The following PRKG1 variants were observed in gnomAD, a reference collection of about 807,000 sequenced individuals.
PRKG1 encodes the protein protein kinase cGMP-dependent 1, also known as cGMP-dependent protein kinase 1.
PRKG1 carries 35 observed loss-of-function variants against 88.1 expected under a neutral mutation model. The ratio of observed to expected loss-of-function variants is 0.40; its 90% CI spans 0.30 to 0.53. The LOEUF (loss-of-function observed/expected upper bound fraction) is 0.53. Among genes scored for constraint, PRKG1 ranks in the 20% least tolerant of loss-of-function variants. The probability of loss-of-function intolerance (pLI) is 0.59; values close to 1 mark genes in which losing one functional copy is unlikely to be tolerated. For missense variants in PRKG1, 540 were observed against 839.8 expected (o/e 0.64, Z 4.41); for synonymous variants, 303 against 292.5 (o/e 1.04, Z -0.37).
In PRKG1 at chr10:51,353,899, G is replaced by A. The variant is rs1842306814; in HGVS notation, c.479-113824G>A. ...TAGCCAAGATTTGTGTTCATCAACA[G>A]ATGAATGGATAAAGACAATGTGATA... On this transcript the variant is annotated intron_variant, in intron 2 of 17. Coordinates refer to ENST00000373980, the MANE Select transcript of PRKG1 (RefSeq NM_006258.4). Among the ~76,000 whole-genome samples the A allele has an allele frequency of 2.6e-5, 4 of 152,320 alleles. No homozygotes were observed. In the South Asian group the frequency reaches 8.3e-4, roughly 32 times the overall value.
chr10:51,507,266 C>T (rs977002715), intron 3 of PRKG1, among the ~76,000 whole-genome samples: 2 of 151,540 alleles, frequency 1.3e-5, no homozygotes, highest in Non-Finnish European at 2.9e-5. Flanking sequence ...CAAACCTGCA[C>T]TTTGTGCACA....
chr10:51,857,391 G>A (rs139451785), intron 4 of PRKG1, among the ~76,000 whole-genome samples: 28 of 152,226 alleles, frequency 1.8e-4, no homozygotes, highest in African/African-American at 6.7e-4. Flanking sequence ...TTTTAAATCT[G>A]TTATATCTTG....
chr10:51,350,744 CA>C (rs1230280207), intron 2 of PRKG1, among the ~76,000 whole-genome samples: 8 of 152,142 alleles, frequency 5.3e-5, no homozygotes, highest in Non-Finnish European at 1.0e-4. Flanking sequence ...AACAAGAAAT[CA>C]ACATACAAAA....
At chr10:51,084,676 A>G (rs1844204476) in intron 1 of PRKG1, among the ~76,000 whole-genome samples, 1 of 152,184 alleles carries the variant, frequency 6.6e-6, no homozygotes, top group Non-Finnish European at 1.5e-5. Context: ...GCATCAAAAA[A>G]CAGATCTAAT....
chr10:51,158,927 C>T (rs533108925), intron 2 of PRKG1, among the ~76,000 whole-genome samples: 1 of 150,546 alleles, frequency 6.6e-6, no homozygotes, highest in South Asian at 2.1e-4. Context: ...CATCTACTCT[C>T]AAAAGACTAG....
intron 1 of PRKG1, among the ~76,000 whole-genome samples, chr10:51,128,266 T>C (rs1845481270): frequency 6.6e-6 from 1 of 152,186 alleles, no homozygotes; most frequent in Non-Finnish European, 1.5e-5. Flanking sequence ...TCTAATTTAA[T>C]TGAACCCAGA....
At chr10:51,424,249 A>G (rs1838505734) in intron 2 of PRKG1, among the ~76,000 whole-genome samples, 2 of 152,232 alleles carry the variant, frequency 1.3e-5, no homozygotes, top group African/African-American at 4.8e-5. Context: ...ACCATTCTAG[A>G]GTATCATTCA....
chr10:52,247,210 A>T (rs1383226783), intron 9 of PRKG1, among the ~76,000 whole-genome samples: 2 of 152,176 alleles, frequency 1.3e-5, no homozygotes, highest in African/African-American at 4.8e-5. Flanking sequence ...ATTGTCTCAA[A>T]CTAAATTAAA....
intron 3 of PRKG1, among the ~76,000 whole-genome samples, chr10:51,559,952 G>T (rs1837414009): frequency 1.3e-5 from 2 of 152,018 alleles, no homozygotes; most frequent in Non-Finnish European, 2.9e-5. Context: ...TTTGCATATG[G>T]TCTACAAAAT....
intron 1 of PRKG1, among the ~76,000 whole-genome samples, chr10:51,103,592 T>C (rs994045589): frequency 4.6e-5 from 7 of 152,154 alleles, no homozygotes; most frequent in African/African-American, 9.7e-5. Context: ...TGAAATGTAA[T>C]AAAGGATGTG....
At chr10:51,502,105 A>G (rs1841043868) in intron 3 of PRKG1, among the ~76,000 whole-genome samples, 1 of 152,208 alleles carries the variant, frequency 6.6e-6, no homozygotes, top group Non-Finnish European at 1.5e-5. Flanking sequence ...GCTATGGAAT[A>G]TTTAATGTCT....
chr10:51,727,340 G>A (rs1842160484), intron 3 of PRKG1, among the ~76,000 whole-genome samples: 1 of 149,556 alleles, frequency 6.7e-6, no homozygotes, highest in Non-Finnish European at 1.5e-5. Context: ...TTGGAATTTT[G>A]ATGTCTTGGG....
chr10:51,999,997 G>C (rs16925532), intron 5 of PRKG1, among the ~76,000 whole-genome samples: 1 of 151,864 alleles, frequency 6.6e-6, no homozygotes, highest in African/African-American at 2.4e-5. Context: ...GCTTTTTAAT[G>C]TACTATGGAA....
intron 3 of PRKG1, among the ~76,000 whole-genome samples, chr10:51,547,851 C>T (rs1842477579): frequency 6.6e-6 from 1 of 152,046 alleles, no homozygotes; most frequent in African/African-American, 2.4e-5. Context: ...TTTGTAGCTT[C>T]CTTTCAAGTT....
intron 5 of PRKG1, among the ~76,000 whole-genome samples, chr10:51,980,179 T>G (rs1843970424): frequency 6.6e-6 from 1 of 152,184 alleles, no homozygotes. Flanking sequence ...GTTGGTTGTA[T>G]CTTTGTTCTC....
chr10:51,200,149 A>G (rs927306598), intron 2 of PRKG1, among the ~76,000 whole-genome samples: 1 of 152,228 alleles, frequency 6.6e-6, no homozygotes, highest in Non-Finnish European at 1.5e-5. Flanking sequence ...GAAAAAGCAT[A>G]CAGAGTGGGA....
intron 3 of PRKG1, among the ~76,000 whole-genome samples, chr10:51,606,041 T>A (rs1838758578): frequency 6.6e-6 from 1 of 152,206 alleles, no homozygotes; most frequent in African/African-American, 2.4e-5. Context: ...AAAAAATTTA[T>A]CATTTTTTTA....
chr10:51,263,499 G>A (rs1839765007), intron 2 of PRKG1, among the ~76,000 whole-genome samples: 1 of 152,162 alleles, frequency 6.6e-6, no homozygotes, highest in Non-Finnish European at 1.5e-5. Flanking sequence ...ATCTGTGGTA[G>A]CATCAGGCAA....
At chr10:51,308,801 C>T (rs757107298) in intron 2 of PRKG1, among the ~76,000 whole-genome samples, 6 of 152,020 alleles carry the variant, frequency 3.9e-5, no homozygotes, top group South Asian at 2.1e-4. Flanking sequence ...GTTTTAGGAC[C>T]GGCAAGCTCA....
Sources: allele counts gnomAD v4.1 joint callset (sites outside exome capture counted in the v4.1 genomes callset), GRCh38; gene constraint gnomAD v4.1.1; transcripts MANE v1.5; gene names NCBI Gene and HGNC (gene_info 2026-07-23, HGNC 2026-07-21).